The following PLPP4 variants were observed in gnomAD, a reference collection of about 807,000 sequenced individuals.
The protein encoded by PLPP4 is diacylglycerol pyrophosphate like 2.
In PLPP4, 20 loss-of-function variants were observed where a neutral mutation model predicts 32.2. The ratio of observed to expected loss-of-function variants is 0.62; its 90% CI spans 0.44 to 0.90. PLPP4 has a LOEUF of 0.90. Ranked by LOEUF, PLPP4 falls within the 40% of genes least tolerant of loss-of-function variation. The pLI is 0.00. For synonymous variants in PLPP4, 127 were observed against 133.0 expected (o/e 0.95, Z 0.31); for missense variants, 257 against 353.1 (o/e 0.73, Z 2.18).
At chr10:120,533,486 T>C (rs1190360123) in intron 5 of PLPP4, among the ~76,000 whole-genome samples, 1 of 152,184 alleles carries the variant, frequency 6.6e-6, no homozygotes, top group Admixed American at 6.5e-5. Context: ...ACTCTCATGA[T>C]AGTATTGTTT....
At chr10:120,555,581 A>G (rs574778172) in intron 5 of PLPP4, among the ~76,000 whole-genome samples, 1 of 152,288 alleles carries the variant, frequency 6.6e-6, no homozygotes, top group South Asian at 2.1e-4. Flanking sequence ...TTTTGCTTCT[A>G]AACTGTGGCC....
intron 1 of PLPP4, among the ~76,000 whole-genome samples, chr10:120,465,453 T>G (rs958491222): frequency 1.4e-4 from 22 of 152,344 alleles, no homozygotes; most frequent in African/African-American, 5.3e-4. Context: ...AGGAACTAGT[T>G]GTTATTCTAT....
chr10:120,518,202 A>G (rs1012638840), intron 3 of PLPP4, among the ~76,000 whole-genome samples: 4 of 152,164 alleles, frequency 2.6e-5, no homozygotes, highest in African/African-American at 9.7e-5. Flanking sequence ...TGTGCTCTGT[A>G]TGGTCAAATA....
At position 120,496,912 on chromosome 10, in the gene PLPP4, A is replaced by AGTGT. The variant is rs3066553; in HGVS notation, c.57-6883_57-6880dup. On this transcript the variant is annotated intron_variant, in intron 1 of 6. Transcript: ENST00000398250. The stretch of plus-strand genomic sequence containing the variant: ...GGGAGAGAGAGAGAGAGAATGTGTG[A>AGTGT]GTGTGTGTGTGTGTGTGTGTGTGTG... Among the ~76,000 whole-genome samples, 461 of 149,520 alleles carry AGTGT rather than the reference A, an allele frequency of 3.1e-3. 1 individual carries two copies. The highest frequency in any genetic ancestry group is 0.024 in the Middle Eastern group (7 of 290).
Position 120,457,387 on chromosome 10 carries a change from G to A in PLPP4, c.56+26G>A, listed in dbSNP as rs752392993. ...GTAAGTAGTGGCGCACCGCGGGCAG[G>A]GCGCACTGACGCGGGGGAACAACCG... is the stretch of plus-strand genomic sequence containing the variant. On this transcript the variant is annotated intron_variant, in intron 1 of 6. Transcript: ENST00000398250. 2.6e-5 allele frequency: 39 copies of A among 1,526,724 alleles called. 1 individual carries two copies. In the South Asian group the frequency reaches 3.1e-4, roughly 12 times the overall value. The allele number at this position is 1,526,724 out of a possible 1,614,324, so 94.6% of individuals were successfully genotyped here. A position where few individuals can be genotyped will look rare whatever the true frequency, so the allele number is the denominator to read the frequency against.
intron 1 of PLPP4, among the ~76,000 whole-genome samples, chr10:120,469,662 A>G (rs1214319827): frequency 6.6e-6 from 1 of 152,224 alleles, no homozygotes; most frequent in Non-Finnish European, 1.5e-5. Context: ...AATTAAAGCA[A>G]TACAAAAAGT....
intron 3 of PLPP4, 42 bp from the exon 4 acceptor site, chr10:120,518,791 A>C (rs1474448633): frequency 6.5e-7 from 1 of 1,536,446 alleles, no homozygotes; most frequent in Non-Finnish European, 9.0e-7. Flanking sequence ...TTGATTTAAG[A>C]GCCAGCTTGC....
intron 6 of PLPP4, among the ~76,000 whole-genome samples, chr10:120,575,793 C>A (rs999118187): frequency 8.5e-5 from 13 of 152,124 alleles, no homozygotes; most frequent in African/African-American, 2.9e-4. Context: ...TGAGGTTTGC[C>A]TATATATATA....
intron 5 of PLPP4, among the ~76,000 whole-genome samples, chr10:120,554,274 C>T (rs1247871285): frequency 6.6e-6 from 1 of 152,202 alleles, no homozygotes; most frequent in Non-Finnish European, 1.5e-5. Context: ...CTGCCAGTCT[C>T]TTTGCTAAAG....
rs1274674595 is a variant in PLPP4 at position 120,580,900 on chromosome 10, G to A, written c.616+5599G>A. On this transcript the variant is annotated intron_variant, in intron 6 of 6. Transcript: ENST00000398250. ...GTCACCTCATTTTCCCTCCACAGTT[G>A]GCTGCTGTGTATGGCAGGGCCCACA... 4 of 1,289,252 alleles carry A rather than the reference G, an allele frequency of 3.1e-6. No homozygotes were observed. In the Admixed American group the frequency reaches 6.9e-5, roughly 22 times the overall value. The allele number at this position is 1,289,252 out of a possible 1,614,324, so 79.9% of individuals were successfully genotyped here.
At chr10:120,465,462 A>G (rs1246150586) in intron 1 of PLPP4, among the ~76,000 whole-genome samples, 1 of 152,244 alleles carries the variant, frequency 6.6e-6, no homozygotes, top group African/African-American at 2.4e-5. Flanking sequence ...TTGTTATTCT[A>G]TCTCCACTAA....
intron 5 of PLPP4, among the ~76,000 whole-genome samples, chr10:120,532,503 G>T (rs148414008): frequency 6.6e-6 from 1 of 151,942 alleles, no homozygotes; most frequent in Non-Finnish European, 1.5e-5. Flanking sequence ...ATGGTTTATG[G>T]TATATGTTTT....
At chr10:120,462,852 C>T (rs998063608) in intron 1 of PLPP4, among the ~76,000 whole-genome samples, 5 of 152,020 alleles carry the variant, frequency 3.3e-5, no homozygotes, top group Admixed American at 6.6e-5. Context: ...AGGCAGCAGG[C>T]GGTGGCCCTG....
intron 2 of PLPP4, among the ~76,000 whole-genome samples, chr10:120,511,014 C>G (rs967238601): frequency 1.3e-4 from 20 of 152,144 alleles, no homozygotes; most frequent in Non-Finnish European, 4.4e-5. Context: ...CCTGGGAAGC[C>G]CTTGATATGG....
intron 5 of PLPP4, among the ~76,000 whole-genome samples, chr10:120,564,497 G>GCCAAGAAAAAGACCC (rs1848595764): frequency 1.3e-5 from 2 of 151,818 alleles, no homozygotes; most frequent in African/African-American, 4.8e-5. Flanking sequence ...TTGGTGTTCA[G>GCCAAGAAAAAGACCC]ATCTTATATG....
At chr10:120,472,371 G>A (rs1038500154) in intron 1 of PLPP4, among the ~76,000 whole-genome samples, 8 of 151,972 alleles carry the variant, frequency 5.3e-5, no homozygotes, top group Non-Finnish European at 1.0e-4. Flanking sequence ...AGAATTTTCG[G>A]TTGACAGTCG....
intron 2 of PLPP4, among the ~76,000 whole-genome samples, chr10:120,509,409 C>T (rs1208542141): frequency 6.6e-6 from 1 of 152,152 alleles, no homozygotes; most frequent in Non-Finnish European, 1.5e-5. Flanking sequence ...GCTTCCCAGC[C>T]TGTGGAATAC....
At chr10:120,483,408 G>C (rs905728264) in intron 1 of PLPP4, among the ~76,000 whole-genome samples, 1 of 152,156 alleles carries the variant, frequency 6.6e-6, no homozygotes, top group African/African-American at 2.4e-5. Flanking sequence ...AGAGAACCCT[G>C]ATTAATACAT....
intron 6 of PLPP4, among the ~76,000 whole-genome samples, chr10:120,588,730 A>G (rs1174496294): frequency 6.6e-6 from 1 of 152,246 alleles, no homozygotes; most frequent in Non-Finnish European, 1.5e-5. Context: ...AGTTTATGCA[A>G]TGCTCAGGTG....
Sources: gnomAD v4.1 joint callset for allele counts (sites outside exome capture counted in the v4.1 genomes callset) on GRCh38, gnomAD v4.1.1 for gene constraint, MANE v1.5 for transcripts, NCBI Gene and HGNC (gene_info 2026-07-23, HGNC 2026-07-21) for gene names.